The following REDIC1 variants were observed in gnomAD, a reference collection of about 807,000 sequenced individuals.
The protein encoded by REDIC1 is HEI10 Interacting Protein 1.
At chr12:39,692,157 A>G in the REDIC1 span, 3 of 1,404,794 alleles carry the variant, frequency 2.1e-6, no homozygotes, top group East Asian at 5.4e-5. Flanking sequence ...TTTAAAAACT[A>G]ACAATTAAAT....
At chr12:39,650,392 C>A in the REDIC1 span, 1 of 1,564,594 alleles carries the variant, frequency 6.4e-7, no homozygotes, top group East Asian at 2.3e-5. This position sits in a 1 kb window ranked among gnomAD's most constrained non-coding sequence, Gnocchi z 4.3. Context: ...GAAGCTGTAG[C>A]ATTCTGTACT....
chr12:39,672,883 G>T, the REDIC1 span, among the ~76,000 whole-genome samples: 1 of 152,152 alleles, frequency 6.6e-6, no homozygotes, highest in African/African-American at 2.4e-5. Flanking sequence ...TGCCCTGAAG[G>T]AGCTGCTTCA....
chr12:39,663,960 A>G, the REDIC1 span, among the ~76,000 whole-genome samples: 1 of 151,264 alleles, frequency 6.6e-6, no homozygotes, highest in Admixed American at 6.6e-5. Context: ...CTACCAGAAT[A>G]TATCATCCCT....
the REDIC1 span, among the ~76,000 whole-genome samples, chr12:39,807,983 A>G: frequency 3.3e-5 from 5 of 152,170 alleles, no homozygotes; most frequent in African/African-American, 1.2e-4. Context: ...TCATCTATTC[A>G]TGTATAATAT....
chr12:39,786,017 C>T, the REDIC1 span, among the ~76,000 whole-genome samples: 1 of 152,124 alleles, frequency 6.6e-6, no homozygotes, highest in Admixed American at 6.5e-5. Context: ...AGACTTTGGA[C>T]TGTGGACTTT....
At chr12:39,872,454 ACAG>A in the REDIC1 span, among the ~76,000 whole-genome samples, 1,897 of 152,326 alleles carry the variant, frequency 0.012, 51 homozygotes, top group African/African-American at 0.043. Flanking sequence ...AATGAGTAAG[ACAG>A]TGTCAGAATG....
At chr12:39,713,169 A>T in the REDIC1 span, among the ~76,000 whole-genome samples, 70 of 150,292 alleles carry the variant, frequency 4.7e-4, 3 homozygotes, top group African/African-American at 1.6e-3. Context: ...ACACGTGTAT[A>T]TATGTGCATA....
At chr12:39,693,773 T>A in the REDIC1 span, among the ~76,000 whole-genome samples, 1 of 152,192 alleles carries the variant, frequency 6.6e-6, no homozygotes, top group Non-Finnish European at 1.5e-5. Context: ...ACAATGTTTC[T>A]TATTTGTGGA....
chr12:39,780,567 A>G, the REDIC1 span, among the ~76,000 whole-genome samples: 3 of 152,228 alleles, frequency 2.0e-5, no homozygotes, highest in Non-Finnish European at 4.4e-5. Flanking sequence ...CTTTTGACTC[A>G]GTATCCATTT....
the REDIC1 span, among the ~76,000 whole-genome samples, chr12:39,787,573 T>C: frequency 3.9e-5 from 6 of 152,184 alleles, no homozygotes; most frequent in African/African-American, 1.4e-4. Context: ...ATATACTTTT[T>C]TGGCTTCCTC....
chr12:39,685,005 C>T, the REDIC1 span: 1 of 1,006,762 alleles, frequency 9.9e-7, no homozygotes, highest in South Asian at 1.6e-5. Flanking sequence ...TTAACGTTCA[C>T]TTTGATTTAA....
the REDIC1 span, among the ~76,000 whole-genome samples, chr12:39,872,133 C>T: frequency 1.3e-5 from 2 of 152,072 alleles, no homozygotes; most frequent in Non-Finnish European, 2.9e-5. Context: ...AATATAAAGA[C>T]TATGTTCAAA....
chr12:39,697,407 A>G, the REDIC1 span, among the ~76,000 whole-genome samples: 66 of 152,396 alleles, frequency 4.3e-4, no homozygotes, highest in African/African-American at 1.4e-3. Context: ...ATGAGCAAGA[A>G]GAAATCATCT....
the REDIC1 span, among the ~76,000 whole-genome samples, chr12:39,828,705 T>G: frequency 1.1e-5 from 1 of 93,656 alleles, no homozygotes; most frequent in Admixed American, 1.4e-4. Context: ...AGACTAGTAG[T>G]AACTTAGTTT....
chr12:39,825,316 GA>G, the REDIC1 span, among the ~76,000 whole-genome samples: 4 of 151,770 alleles, frequency 2.6e-5, no homozygotes, highest in African/African-American at 4.8e-5. Context: ...GATAAATACA[GA>G]AAAAAAATTC....
At chr12:39,867,271 G>C in the REDIC1 span, among the ~76,000 whole-genome samples, 1 of 152,108 alleles carries the variant, frequency 6.6e-6, no homozygotes, top group South Asian at 2.1e-4. Context: ...GGAAAGATGA[G>C]TCTCTTCTTT....
the REDIC1 span, among the ~76,000 whole-genome samples, chr12:39,827,192 A>G: frequency 6.6e-6 from 1 of 151,606 alleles, no homozygotes; most frequent in Non-Finnish European, 1.5e-5. Context: ...CATTCAATTT[A>G]TTTATTTGTT....
chr12:39,766,585 T>C, the REDIC1 span, among the ~76,000 whole-genome samples: 1 of 151,984 alleles, frequency 6.6e-6, no homozygotes, highest in Non-Finnish European at 1.5e-5. Context: ...TGACTGACTT[T>C]TCCCTTCACT....
chr12:39,704,939 G>A, the REDIC1 span, among the ~76,000 whole-genome samples: 2 of 152,066 alleles, frequency 1.3e-5, no homozygotes, highest in African/African-American at 2.4e-5. Flanking sequence ...GGGGGAGGGA[G>A]GAGGGATGGC....
Sources: allele counts gnomAD v4.1 joint callset (sites outside exome capture counted in the v4.1 genomes callset), GRCh38; gene constraint gnomAD v4.1.1; non-coding constraint Gnocchi (gnomAD v3.1); transcripts MANE v1.5; gene names NCBI Gene and HGNC (gene_info 2026-07-23, HGNC 2026-07-21).